Variants in ULK4 observed in about 807,000 individuals in gnomAD.
ULK4 encodes the protein inactive serine/threonine-protein kinase ULK4.
In ULK4, 133 loss-of-function variants were observed where a neutral mutation model predicts 160.6. The ratio of observed to expected loss-of-function variants is 0.83; its 90% CI spans 0.72 to 0.96. The LOEUF (loss-of-function observed/expected upper bound fraction) is 0.96. Ranked by LOEUF, ULK4 falls within the 40% of genes least tolerant of loss-of-function variation. The pLI, the probability that ULK4 is intolerant of heterozygous loss-of-function variation, is 0.00. For synonymous variants in ULK4, 534 were observed against 539.8 expected, an observed-to-expected ratio of 0.99 and a Z score of 0.15; for missense variants, 1,580 against 1,499.5, an observed-to-expected ratio of 1.05 and a Z score of -0.89.
At chr3:41,918,599 T>TG in intron 6 of ULK4, 59 bp from the exon 7 acceptor site, 1 of 446,324 alleles carries the variant, frequency 2.2e-6, no homozygotes, top group Non-Finnish European at 3.4e-6. Flanking sequence ...ATAATTCTTT[T>TG]TTTTTTTTTT....
At chr3:41,745,650 G>A (rs2038395417) in intron 22 of ULK4, among the ~76,000 whole-genome samples, 1 of 151,510 alleles carries the variant, frequency 6.6e-6, no homozygotes, top group Non-Finnish European at 1.5e-5. Flanking sequence ...CATTTTATGA[G>A]GCTAGTATTA....
chr3:41,560,176 T>C (rs1320183362), intron 32 of ULK4, among the ~76,000 whole-genome samples: 1 of 152,188 alleles, frequency 6.6e-6, no homozygotes, highest in Non-Finnish European at 1.5e-5. Flanking sequence ...TGGTTGTAGA[T>C]GAGTGGTGTT....
At chr3:41,496,836 T>G (rs957321963) in intron 32 of ULK4, among the ~76,000 whole-genome samples, 1 of 152,100 alleles carries the variant, frequency 6.6e-6, no homozygotes, top group African/African-American at 2.4e-5. Context: ...ACCTTACTAA[T>G]AGACCCACGA....
chr3:41,771,318 T>C (rs1410927661), intron 21 of ULK4, among the ~76,000 whole-genome samples: 1 of 152,208 alleles, frequency 6.6e-6, no homozygotes, highest in Non-Finnish European at 1.5e-5. Flanking sequence ...TCTGGAACTT[T>C]CTGTAAACTT....
chr3:41,807,131 A>G (rs1252493679), intron 19 of ULK4, among the ~76,000 whole-genome samples: 1 of 152,120 alleles, frequency 6.6e-6, no homozygotes, highest in Non-Finnish European at 1.5e-5. Context: ...TTGTCTCAAA[A>G]AAATAAAAAA....
intron 21 of ULK4, among the ~76,000 whole-genome samples, chr3:41,771,874 A>G (rs1250083725): frequency 2.0e-5 from 3 of 152,230 alleles, no homozygotes; most frequent in Non-Finnish European, 2.9e-5. Context: ...TGACTTTATC[A>G]AATCTTAGTA....
At chr3:41,477,130 C>T (rs1455906637) in intron 32 of ULK4, among the ~76,000 whole-genome samples, 2 of 152,236 alleles carry the variant, frequency 1.3e-5, no homozygotes, top group East Asian at 1.9e-4. Flanking sequence ...ATTCAAAGAA[C>T]CCAAGAATTA....
At chr3:41,883,695 T>C (rs1403628392) in intron 17 of ULK4, among the ~76,000 whole-genome samples, 179 bp downstream of exon 17, 2 of 152,210 alleles carry the variant, frequency 1.3e-5, no homozygotes, top group African/African-American at 4.8e-5. Context: ...TGGACTACAT[T>C]GTATATGTGC....
At chr3:41,249,738 C>G (rs2078710060) in intron 35 of ULK4, among the ~76,000 whole-genome samples, 164 bp from the exon 36 acceptor site, 1 of 152,170 alleles carries the variant, frequency 6.6e-6, no homozygotes, top group African/African-American at 2.4e-5. Context: ...TAACCTCCCC[C>G]ACAGAGTGTT....
intron 34 of ULK4, among the ~76,000 whole-genome samples, chr3:41,421,878 A>G (rs1448646827): frequency 6.6e-6 from 1 of 152,186 alleles, no homozygotes; most frequent in African/African-American, 2.4e-5. Flanking sequence ...AAACCATCTA[A>G]GCTTGACAAC....
intron 35 of ULK4, among the ~76,000 whole-genome samples, chr3:41,300,837 T>TTACATATATA (rs1553640530): frequency 1.9e-4 from 11 of 57,874 alleles, no homozygotes; most frequent in African/African-American, 4.6e-4. Flanking sequence ...ATTTTACAGA[T>TTACATATATA]TATATATATA....
At chr3:41,753,797 C>G (rs1203825556) in intron 22 of ULK4, among the ~76,000 whole-genome samples, 1 of 152,214 alleles carries the variant, frequency 6.6e-6, no homozygotes, top group Non-Finnish European at 1.5e-5. Flanking sequence ...CATTCTCACA[C>G]TGCTGTGAAG....
At chr3:41,780,166 A>G (rs2125581719) in intron 21 of ULK4, among the ~76,000 whole-genome samples, 1 of 151,486 alleles carries the variant, frequency 6.6e-6, no homozygotes, top group Non-Finnish European at 1.5e-5. Context: ...ACAAAAAAAA[A>G]GCCGAGTGTG....
chr3:41,920,269 G>C (rs1699138292), intron 5 of ULK4, among the ~76,000 whole-genome samples: 1 of 152,160 alleles, frequency 6.6e-6, no homozygotes, highest in African/African-American at 2.4e-5. Context: ...TGGAGGCAGG[G>C]AGAAAGAATG....
chr3:41,620,134 C>T (rs1481720540), intron 30 of ULK4, among the ~76,000 whole-genome samples: 1 of 152,090 alleles, frequency 6.6e-6, no homozygotes, highest in African/African-American at 2.4e-5. Flanking sequence ...ACCTACTGGC[C>T]AAAAAGAGCC....
At chr3:41,812,027 A>C (rs756333598) in intron 19 of ULK4, among the ~76,000 whole-genome samples, 3 of 152,162 alleles carry the variant, frequency 2.0e-5, no homozygotes, top group Non-Finnish European at 2.9e-5. Context: ...CATACCTGTA[A>C]TTCCTTCCAG....
intron 22 of ULK4, among the ~76,000 whole-genome samples, chr3:41,744,294 G>A (rs574423166): frequency 1.3e-5 from 2 of 152,042 alleles, no homozygotes; most frequent in Non-Finnish European, 2.9e-5. Flanking sequence ...CCAACAATGT[G>A]CTGCCTGTAA....
At chr3:41,752,822 C>T (rs2038676427) in intron 22 of ULK4, among the ~76,000 whole-genome samples, 1 of 152,144 alleles carries the variant, frequency 6.6e-6, no homozygotes, top group Non-Finnish European at 1.5e-5. Context: ...AATGTTATCT[C>T]CCCCTTCCCC....
intron 35 of ULK4, among the ~76,000 whole-genome samples, chr3:41,370,502 C>T (rs941055394): frequency 5.9e-5 from 9 of 152,108 alleles, no homozygotes; most frequent in Admixed American, 2.6e-4. Flanking sequence ...GTACAGCCCA[C>T]GGAGCACAAG....
Sources: gnomAD v4.1 joint callset for allele counts (sites outside exome capture counted in the v4.1 genomes callset) on GRCh38, gnomAD v4.1.1 for gene constraint, MANE v1.5 for transcripts, NCBI Gene and HGNC (gene_info 2026-07-23, HGNC 2026-07-21) for gene names.